The following FNDC1 variants were observed in gnomAD, a reference collection of about 807,000 sequenced individuals.
FNDC1 encodes the protein fibronectin type III domain containing 1, also known as fibronectin type III domain-containing protein 1.
A neutral mutation model predicts 168.0 loss-of-function variants in FNDC1; 96 were observed. The ratio of observed to expected loss-of-function variants is 0.57; its 90% CI spans 0.48 to 0.68. The LOEUF is 0.68. FNDC1 is among the 30% of genes least tolerant of loss of function. The pLI is 0.00. For missense variants in FNDC1, 2,587 were observed against 2,482.1 expected (o/e 1.04, Z -0.90); for synonymous variants, 1,099 against 1,025.9 (o/e 1.07, Z -1.36).
chr6:159,256,668 A>T (rs1257653255), intron 18 of FNDC1, 37 bp downstream of exon 18: 2 of 1,457,878 alleles, frequency 1.4e-6, no homozygotes, highest in African/African-American at 1.4e-5. Flanking sequence ...GATGAGATCC[A>T]TGTGCATGGT....
intron 7 of FNDC1, 106 bp from the exon 8 acceptor site, chr6:159,225,429 T>G (rs1046850127): frequency 1.1e-6 from 1 of 873,482 alleles, no homozygotes. Flanking sequence ...TTGATTTTCT[T>G]ACTTACCTCC....
chr6:159,230,087 G>A, intron 10 of FNDC1, 84 bp downstream of exon 10: 1 of 1,266,202 alleles, frequency 7.9e-7, no homozygotes, highest in Non-Finnish European at 1.1e-6. Flanking sequence ...ATGCTCTTGG[G>A]TTTGGAACTG....
chr6:159,266,308 C>G, intron 21 of FNDC1, 63 bp downstream of exon 21: 2 of 1,552,896 alleles, frequency 1.3e-6, no homozygotes, highest in Non-Finnish European at 1.8e-6. Flanking sequence ...CAAGTACAAA[C>G]TTGGCACCAC....
In FNDC1 at chr6:159,216,866, T is replaced by C. The variant is rs570587128; in HGVS notation, c.667+1715T>C. ...TACTCAAGCAAGGAAAAGGATGTGA[T>C]TGATTGGGCCTTCTAGAAGACTCCA... On this transcript the variant is annotated intron_variant, in intron 5 of 22. Coordinates refer to ENST00000297267, the MANE Select transcript of FNDC1 (RefSeq NM_032532.3). 5.9e-5 allele frequency among the ~76,000 whole-genome samples: 9 copies of C among 152,382 alleles called. No individual in the cohort carries two copies. The East Asian group carries it at 1.4e-3, about 23-fold the overall frequency.
At chr6:159,178,035 T>C (rs553505333) in intron 1 of FNDC1, among the ~76,000 whole-genome samples, 1 of 152,262 alleles carries the variant, frequency 6.6e-6, no homozygotes, top group South Asian at 2.1e-4. Context: ...TCACTTATGC[T>C]AAAACCCCTG....
rs1243744793 is a variant in FNDC1 at position 159,221,533 on chromosome 6, C to T, written c.668-65C>T. 19 of 1,302,452 alleles carry T rather than the reference C, an allele frequency of 1.5e-5. No homozygotes were observed. The Admixed American group carries it at 2.4e-4, about 16-fold the overall frequency. The allele number at this position is 1,302,452 out of a possible 1,614,324, so 80.7% of individuals were successfully genotyped here. On this transcript the variant is annotated intron_variant, in intron 5 of 22. Coordinates refer to ENST00000297267, the MANE Select transcript of FNDC1 (RefSeq NM_032532.3). ...AGGAATGCAGAACCCCCGCTCCAGC[C>T]CCAGGGGATGTGTGTTCCTGAGAAA...
At chr6:159,203,542 A>C (rs769484506) in intron 4 of FNDC1, among the ~76,000 whole-genome samples, 1 of 152,194 alleles carries the variant, frequency 6.6e-6, no homozygotes, top group Non-Finnish European at 1.5e-5. Flanking sequence ...CGAGGGCAGC[A>C]GTTTTGGCTC....
At chr6:159,180,582 G>A (rs963707300) in intron 1 of FNDC1, among the ~76,000 whole-genome samples, 2 of 152,000 alleles carry the variant, frequency 1.3e-5, no homozygotes, top group Non-Finnish European at 2.9e-5. Flanking sequence ...CATCACCTAG[G>A]TATTAAGCCT....
intron 1 of FNDC1, among the ~76,000 whole-genome samples, chr6:159,190,906 T>C (rs1782123583): frequency 6.6e-6 from 1 of 152,220 alleles, no homozygotes; most frequent in African/African-American, 2.4e-5. Context: ...TATCAGTTCG[T>C]TCTCACGCTG....
In FNDC1 at chr6:159,271,673, T is replaced by G; in HGVS notation, c.*231T>G. On this transcript the variant is annotated 3_prime_UTR_variant, in exon 23 of 23. Transcript: ENST00000297267. ...GCTGTTAACTTTGCTTCTCTACTTT[T>G]TTTTGTTTGTTTGTAATAGCACATC... is the stretch of plus-strand genomic sequence containing the variant. 1 of 422,212 alleles carries G rather than the reference T, an allele frequency of 2.4e-6. No homozygotes were observed. Among genetic ancestry groups the G allele is most frequent in the Non-Finnish European group, 4.4e-6 (1 of 228,970 alleles). 26.2% of individuals were successfully genotyped at this position (422,212 alleles called of 1,614,324 possible).
intron 20 of FNDC1, among the ~76,000 whole-genome samples, chr6:159,265,611 G>A (rs1777574761): frequency 6.6e-6 from 1 of 152,142 alleles, no homozygotes; most frequent in Non-Finnish European, 1.5e-5. Flanking sequence ...AGAAAGAGAA[G>A]GAGGGCGGGA....
At chr6:159,245,620 G>T (rs1783523853) in intron 14 of FNDC1, among the ~76,000 whole-genome samples, 1 of 152,092 alleles carries the variant, frequency 6.6e-6, no homozygotes, top group African/African-American at 2.4e-5. Context: ...TTTCCCAAAA[G>T]ACTTCTGCTT....
intron 3 of FNDC1, 134 bp downstream of exon 3, chr6:159,200,216 T>TA (rs1782346502): frequency 2.8e-6 from 2 of 709,250 alleles, no homozygotes; most frequent in Admixed American, 2.7e-5. Context: ...TAGACTTGTA[T>TA]AGCAAGCTGA....
intron 5 of FNDC1, among the ~76,000 whole-genome samples, chr6:159,216,939 T>C (rs2255925): frequency 5.0e-4 from 76 of 152,166 alleles, no homozygotes; most frequent in African/African-American, 1.8e-3. Flanking sequence ...TCTTCCCTTA[T>C]CTGGAGGGGC....
At chr6:159,214,221 T>A (rs1782665603) in intron 4 of FNDC1, among the ~76,000 whole-genome samples, 1 of 152,170 alleles carries the variant, frequency 6.6e-6, no homozygotes, top group African/African-American at 2.4e-5. Context: ...ACATACCAGC[T>A]CTTATTTGAT....
chr6:159,191,643 T>C (rs1343394432), intron 1 of FNDC1, among the ~76,000 whole-genome samples: 1 of 152,264 alleles, frequency 6.6e-6, no homozygotes, highest in Non-Finnish European at 1.5e-5. Context: ...GTAAGCATGC[T>C]TATCAGTTGC....
intron 19 of FNDC1, among the ~76,000 whole-genome samples, chr6:159,262,271 T>A (rs957341848): frequency 2.6e-5 from 4 of 152,216 alleles, no homozygotes; most frequent in Non-Finnish European, 1.5e-5. Context: ...TAGGTTACCT[T>A]CTACATGCAG....
Position 159,233,226 on chromosome 6 carries a change from G to C in FNDC1, c.2714G>C (p.Gly905Ala). 1 of 1,613,758 alleles carries C rather than the reference G, an allele frequency of 6.2e-7. No homozygotes were observed. Among genetic ancestry groups the C allele is most frequent in the South Asian group, 1.1e-5 (1 of 91,034 alleles). The change falls in exon 11 of 23, where the codon GGC becomes GCC. Residue 905 changes from glycine (G) to alanine (A), a missense_variant. Coordinates refer to ENST00000297267, the MANE Select transcript of FNDC1 (RefSeq NM_032532.3). This position sits in a 1 kb window ranked among gnomAD's most constrained non-coding sequence, Gnocchi z 4.6. ...PSSSRQPISR[G>A]WEDLRRSPQR... ...TCCTCCAGGCAGCCCATCTCCCGGG[G>C]CTGGGAGGACTTAAGGAGAAGCCCG...
Position 159,232,399 on chromosome 6 carries a change from C to A in FNDC1, c.1887C>A (p.Thr629=). ...SPAHHASTQG[T]SHRPSLPASL... ...CCCACCACGCGTCCACCCAGGGCAC[C>A]TCTCATCGTCCTTCCCTGCCTGCCA... The change falls in exon 11 of 23, where the codon ACC becomes ACA. Residue 629 remains threonine, a synonymous_variant. Coordinates refer to ENST00000297267, the MANE Select transcript of FNDC1 (RefSeq NM_032532.3). This position sits in a 1 kb window ranked among gnomAD's most constrained non-coding sequence, Gnocchi z 4.9. The A allele has an allele frequency of 6.2e-7, 1 of 1,612,720 alleles. No individual in the cohort carries two copies. The highest frequency in any genetic ancestry group is 8.5e-7 in the Non-Finnish European group (1 of 1,179,058).
Sources: allele counts gnomAD v4.1 joint callset (sites outside exome capture counted in the v4.1 genomes callset), GRCh38; gene constraint gnomAD v4.1.1; non-coding constraint Gnocchi (gnomAD v3.1); transcripts MANE v1.5; gene names NCBI Gene and HGNC (gene_info 2026-07-23, HGNC 2026-07-21).